The following DNAH9 variants were observed in gnomAD, a reference collection of about 807,000 sequenced individuals.
DNAH9 encodes dynein axonemal heavy chain 9.
A neutral mutation model predicts 471.6 loss-of-function variants in DNAH9; 345 were observed. The ratio of observed to expected loss-of-function variants is 0.73; its 90% CI spans 0.67 to 0.80. The LOEUF is 0.80. DNAH9 is among the 30% of genes least tolerant of loss of function. DNAH9 has a pLI of 0.00. For synonymous variants in DNAH9, 2,093 were observed against 2,123.6 expected (o/e 0.99, Z 0.40); for missense variants, 5,407 against 5,609.2 (o/e 0.96, Z 1.15).
intron 39 of DNAH9, among the ~76,000 whole-genome samples, chr17:11,782,877 C>T (rs531553793): frequency 6.6e-5 from 10 of 152,274 alleles, no homozygotes; most frequent in Admixed American, 1.3e-4. Context: ...GCCTGGGTGA[C>T]CGAGCAAGAC....
chr17:11,693,767 A>G (rs1597487680), intron 20 of DNAH9, 101 bp from the exon 21 acceptor site: 3 of 1,261,392 alleles, frequency 2.4e-6, no homozygotes, highest in African/African-American at 1.5e-5. Flanking sequence ...TCTGTATTTG[A>G]CAACCCAGGA....
chr17:11,719,604 G>T (rs1028173728), intron 27 of DNAH9, 114 bp downstream of exon 27: 1 of 1,023,928 alleles, frequency 9.8e-7, no homozygotes, highest in Admixed American at 2.3e-5. Flanking sequence ...AGGTCTCGGA[G>T]CCCAGATCAG....
chr17:11,662,519 C>G (rs1311310487), intron 14 of DNAH9, among the ~76,000 whole-genome samples: 1 of 151,816 alleles, frequency 6.6e-6, no homozygotes, highest in Non-Finnish European at 1.5e-5. Context: ...AGAGACCTAC[C>G]CAGATTATTT....
intron 41 of DNAH9, among the ~76,000 whole-genome samples, chr17:11,789,984 T>G (rs771991359): frequency 5.9e-5 from 9 of 152,060 alleles, no homozygotes; most frequent in Non-Finnish European, 1.2e-4. Context: ...TTTCAAACAT[T>G]TAGAGATTAT....
chr17:11,913,210 A>T (rs1448978251), intron 61 of DNAH9, among the ~76,000 whole-genome samples: 2 of 152,170 alleles, frequency 1.3e-5, no homozygotes, highest in Non-Finnish European at 2.9e-5. Context: ...ATTAATTCTC[A>T]TGAATGTTTG....
At chr17:11,781,855 A>C (rs1053956140) in intron 39 of DNAH9, among the ~76,000 whole-genome samples, 1 of 151,108 alleles carries the variant, frequency 6.6e-6, no homozygotes, top group Non-Finnish European at 1.5e-5. Context: ...AAACAAAAAA[A>C]AAACTACCAA....
At chr17:11,734,833 G>C (rs2075319859) in intron 28 of DNAH9, among the ~76,000 whole-genome samples, 1 of 152,236 alleles carries the variant, frequency 6.6e-6, no homozygotes, top group Non-Finnish European at 1.5e-5. Context: ...CTTTGAGTCT[G>C]TTCAACACCC....
At chr17:11,627,313 C>T (rs2072986794) in intron 6 of DNAH9, among the ~76,000 whole-genome samples, 1 of 152,192 alleles carries the variant, frequency 6.6e-6, no homozygotes, top group Non-Finnish European at 1.5e-5. Context: ...CCTCCCTAGA[C>T]CATGCTTTAA....
intron 3 of DNAH9, among the ~76,000 whole-genome samples, chr17:11,611,322 T>A (rs574275466): frequency 6.6e-6 from 1 of 152,314 alleles, no homozygotes; most frequent in Non-Finnish European, 1.5e-5. Context: ...AAGGCCCTTC[T>A]CTTAGCACCC....
intron 35 of DNAH9, among the ~76,000 whole-genome samples, chr17:11,759,431 G>T (rs1967555877): frequency 6.6e-6 from 1 of 151,198 alleles, no homozygotes; most frequent in South Asian, 2.1e-4. Flanking sequence ...CCAGTTCCAT[G>T]CATGTTGCTG....
intron 67 of DNAH9, among the ~76,000 whole-genome samples, chr17:11,948,428 C>A (rs1228184191): frequency 2.6e-5 from 4 of 151,912 alleles, no homozygotes; most frequent in South Asian, 2.1e-4. Flanking sequence ...TGAGGTTTCA[C>A]CGTGTTGGCC....
chr17:11,735,953 G>C lies in DNAH9; in HGVS notation c.5815-2927G>C, dbSNP rs201838223. Among the ~76,000 whole-genome samples the C allele has an allele frequency of 1.4e-4, 22 of 152,320 alleles. 1 individual carries two copies. In the East Asian group the frequency reaches 3.1e-3, roughly 21 times the overall value. ...ACCAGATTGCCTGGCTTTTAAGCTT[G>C]AGCTGCTCCACTTACCAACTGTGGG... On this transcript the variant is annotated intron_variant, in intron 28 of 68. Transcript: ENST00000262442.
At chr17:11,797,496 A>C (rs1969284958) in intron 42 of DNAH9, 101 bp from the exon 43 acceptor site, 1 of 961,296 alleles carries the variant, frequency 1.0e-6, no homozygotes, top group African/African-American at 1.7e-5. Flanking sequence ...ACTGATGCCT[A>C]ATTTCCAGGG....
intron 17 of DNAH9, among the ~76,000 whole-genome samples, chr17:11,677,975 C>T (rs1398019038): frequency 6.7e-6 from 1 of 150,166 alleles, no homozygotes; most frequent in Non-Finnish European, 1.5e-5. Flanking sequence ...ATTTAGATTG[C>T]TCTCTATTAT....
intron 1 of DNAH9, among the ~76,000 whole-genome samples, chr17:11,603,871 C>T (rs1019521744): frequency 6.1e-4 from 93 of 152,254 alleles, no homozygotes; most frequent in Admixed American, 5.2e-4. Flanking sequence ...AATCAGTCCT[C>T]GTTCGGCTTG....
At chr17:11,697,410 A>G (rs562941103) in intron 22 of DNAH9, among the ~76,000 whole-genome samples, 1 of 152,330 alleles carries the variant, frequency 6.6e-6, no homozygotes, top group East Asian at 1.9e-4. Context: ...CCTGCTTTAA[A>G]AAAAATTTCT....
At chr17:11,756,807 AT>A in intron 34 of DNAH9, 131 bp downstream of exon 34, 1 of 656,804 alleles carries the variant, frequency 1.5e-6, no homozygotes, top group Non-Finnish European at 2.7e-6. Flanking sequence ...AGTTTTGTGA[AT>A]TTGGAAATGT....
At chr17:11,672,930 G>A (rs916529967) in intron 17 of DNAH9, among the ~76,000 whole-genome samples, 4 of 152,070 alleles carry the variant, frequency 2.6e-5, no homozygotes, top group Admixed American at 6.5e-5. Context: ...AAACCCATCA[G>A]GATTTCCAAT....
chr17:11,912,649 A>C (rs1973827417), intron 61 of DNAH9, among the ~76,000 whole-genome samples: 1 of 152,088 alleles, frequency 6.6e-6, no homozygotes, highest in Admixed American at 6.6e-5. Flanking sequence ...CATTCCTAGG[A>C]TCTCAGTCAG....
Sources: allele counts gnomAD v4.1 joint callset (sites outside exome capture counted in the v4.1 genomes callset), GRCh38; gene constraint gnomAD v4.1.1; transcripts MANE v1.5; gene names NCBI Gene and HGNC (gene_info 2026-07-23, HGNC 2026-07-21).